RAD54L: variants seen among roughly 807,000 people sequenced by gnomAD.
RAD54L encodes DNA repair and recombination protein RAD54-like.
In RAD54L, 74 loss-of-function variants were observed where a neutral mutation model predicts 91.6. That is an observed-to-expected ratio of 0.81 (90% CI 0.67 to 0.98). The LOEUF is 0.98. Among genes scored for constraint, RAD54L ranks in the 50% least tolerant of loss-of-function variants. The probability of loss-of-function intolerance (pLI) is 0.00; values close to 1 mark genes in which losing one functional copy is unlikely to be tolerated. For synonymous variants in RAD54L, 304 were observed against 349.7 expected (o/e 0.87, Z 1.46); for missense variants, 887 against 945.7 (o/e 0.94, Z 0.81).
intron 3 of RAD54L, among the ~76,000 whole-genome samples, chr1:46,256,006 T>C (rs1659929880): frequency 6.6e-6 from 1 of 152,198 alleles, no homozygotes; most frequent in Admixed American, 6.6e-5. Context: ...TGAAAATATT[T>C]CTGTTTTAGA....
chr1:46,252,945 G>A (rs1204548728), intron 3 of RAD54L, among the ~76,000 whole-genome samples: 1 of 152,032 alleles, frequency 6.6e-6, no homozygotes, highest in Non-Finnish European at 1.5e-5. Context: ...GGTTGCACGT[G>A]ACTGTAGTCC....
chr1:46,261,485 T>C, intron 8 of RAD54L, 100 bp downstream of exon 8: 2 of 1,448,080 alleles, frequency 1.4e-6, no homozygotes, highest in South Asian at 2.4e-5. Context: ...TGGGGAATGC[T>C]GAAGACAGGA....
chr1:46,250,480 G>A (rs1305548674), intron 3 of RAD54L, among the ~76,000 whole-genome samples: 2 of 152,164 alleles, frequency 1.3e-5, no homozygotes, highest in African/African-American at 4.8e-5. Flanking sequence ...ACCATGGCAG[G>A]TTCTGTGCAT....
At chr1:46,272,570 G>A (rs1349353985) in intron 11 of RAD54L, 30 bp downstream of exon 11, 6 of 1,608,538 alleles carry the variant, frequency 3.7e-6, no homozygotes, top group Non-Finnish European at 5.1e-6. Flanking sequence ...GATGTGGAGT[G>A]GGTCAAAGCC....
In RAD54L at chr1:46,263,993, C is replaced by T. The variant is rs1373286838; in HGVS notation, c.891+2608C>T. On this transcript the variant is annotated intron_variant, in intron 8 of 17. Coordinates refer to ENST00000371975, the MANE Select transcript of RAD54L (RefSeq NM_003579.4). This position sits in a 1 kb window ranked among gnomAD's most constrained non-coding sequence, Gnocchi z 4.3. ...TGTATTTTTAGTAGAGATGGGGTTT[C>T]ACCATGTTGGCCAGGCTAGTCTCGA... 6.6e-6 allele frequency among the ~76,000 whole-genome samples: 1 copy of T among 152,144 alleles called. No homozygotes were observed. The highest frequency in any genetic ancestry group is 2.4e-5 in the African/African-American group (1 of 41,434).
intron 16 of RAD54L, among the ~76,000 whole-genome samples, chr1:46,277,219 T>C (rs1660634419): frequency 6.6e-6 from 1 of 152,236 alleles, no homozygotes; most frequent in Admixed American, 6.5e-5. Flanking sequence ...CCTTTGTTCC[T>C]ATGCTGGGAA....
intron 8 of RAD54L, among the ~76,000 whole-genome samples, chr1:46,264,614 C>T (rs959620557): frequency 6.6e-6 from 1 of 152,218 alleles, no homozygotes; most frequent in African/African-American, 2.4e-5. Context: ...TATGGGAGCA[C>T]TTTGTACAAG....
At chr1:46,277,133 C>T (rs529583546) in intron 16 of RAD54L, among the ~76,000 whole-genome samples, 1 of 152,298 alleles carries the variant, frequency 6.6e-6, no homozygotes, top group Admixed American at 6.5e-5. Context: ...ACTTCCCAGT[C>T]TCAGCTCTTA....
intron 11 of RAD54L, 47 bp from the exon 12 acceptor site, chr1:46,272,625 C>G (rs1557707252): frequency 2.5e-6 from 4 of 1,614,020 alleles, no homozygotes; most frequent in Non-Finnish European, 2.5e-6. Context: ...TCTCAGAGGG[C>G]AGGAGGGTGG....
At position 46,260,603 on chromosome 1, in the gene RAD54L, CAG is replaced by C. The variant is rs772504382; in HGVS notation, c.476_477del (p.Glu159GlyfsTer24). On this transcript the variant is annotated frameshift_variant, in exon 6 of 18. Transcript: ENST00000371975. LOFTEE classifies it high-confidence loss of function. ...TCTCAGTAAGGTTTTGCGGCCTCAT[CAG>C]AGAGAGGTAAATGAGGGTGAGGGGA... Reference protein sequence around the residue: ...PILSKVLRPHQREGVKFLWEC... With the variant: ...PILSKVLRPHXREGVKFLWEC... The C allele has an allele frequency of 1.2e-6, 2 of 1,614,016 alleles. No individual in the cohort carries two copies. Among genetic ancestry groups the C allele is most frequent in the East Asian group, 2.2e-5 (1 of 44,884 alleles).
rs1251069921 is a variant in RAD54L at position 46,265,229 on chromosome 1, TC to T, written c.892-2227del. 8.5e-5 allele frequency among the ~76,000 whole-genome samples: 13 copies of T among 152,070 alleles called. No homozygotes were observed. The highest frequency in any genetic ancestry group is 2.7e-4 in the African/African-American group (11 of 41,434). On this transcript the variant is annotated intron_variant, in intron 8 of 17. Coordinates refer to ENST00000371975, the MANE Select transcript of RAD54L (RefSeq NM_003579.4). The surrounding 1 kb of genome is among the most constrained non-coding windows in gnomAD (Gnocchi z 4.8). ...CAAATGCGGTGGCTTACACCTGTAA[TC>T]CCAGGACTTTGAAAGGCTGAGATGG...
chr1:46,271,032 A>T (rs1373657451), intron 10 of RAD54L, among the ~76,000 whole-genome samples: 3 of 152,126 alleles, frequency 2.0e-5, no homozygotes, highest in African/African-American at 7.2e-5. Flanking sequence ...CTTTTCTCTG[A>T]TGCTGCTGGA....
In RAD54L at chr1:46,267,593, T is replaced by G. The variant is rs1660303177; in HGVS notation, c.1026T>G (p.Val342=). The G allele has an allele frequency of 1.2e-6, 2 of 1,612,550 alleles. No individual in the cohort carries two copies. Among genetic ancestry groups the G allele is most frequent in the East Asian group, 4.5e-5 (2 of 44,848 alleles). The change falls in exon 9 of 18, where the codon GTT becomes GTG. Residue 342 remains valine (V), a synonymous_variant. Coordinates refer to ENST00000371975, the MANE Select transcript of RAD54L (RefSeq NM_003579.4). ...LLEYFSLVHF[V]NSGILGTAHE... Reference sequence around the variant, plus strand: ...AGTATTTCAGCTTGGTACATTTTGTTAATTCCGGCATCCTAGGTAAGAATC... The same window carrying G: ...AGTATTTCAGCTTGGTACATTTTGTGAATTCCGGCATCCTAGGTAAGAATC...
intron 9 of RAD54L, among the ~76,000 whole-genome samples, chr1:46,268,559 C>T (rs547771498): frequency 3.9e-5 from 6 of 152,240 alleles, no homozygotes; most frequent in African/African-American, 1.4e-4. Flanking sequence ...TCCTTTTGTC[C>T]CGGCAGCAAA....
chr1:46,273,447 C>T lies in RAD54L; in HGVS notation c.1468C>T (p.Leu490=), dbSNP rs780997683. 1 of 1,613,746 alleles carries T rather than the reference C, an allele frequency of 6.2e-7. No homozygotes were observed. The highest frequency in any genetic ancestry group is 8.5e-7 in the Non-Finnish European group (1 of 1,179,704). ...CCCTCCTGGTTACAGCTCTAAGGCCCTGGAGCCCCAGCTGTCAGGTGACCC... is the reference window on the plus strand; with the variant it reads ...CCCTCCTGGTTACAGCTCTAAGGCCTTGGAGCCCCAGCTGTCAGGTGACCC... ...LFPPGYSSKA[L]EPQLSGKMLV... The change falls in exon 13 of 18, where the codon CTG becomes TTG. Residue 490 remains leucine, a synonymous_variant. Transcript: ENST00000371975.
At chr1:46,266,726 G>T (rs772824685) in intron 8 of RAD54L, among the ~76,000 whole-genome samples, 2 of 152,192 alleles carry the variant, frequency 1.3e-5, no homozygotes, top group Non-Finnish European at 2.9e-5. Context: ...TACAGAAGGC[G>T]TCTGGCTCAG....
intron 16 of RAD54L, chr1:46,277,503 T>A: frequency 4.5e-6 from 2 of 445,240 alleles, no homozygotes; most frequent in Non-Finnish European, 8.3e-6. Flanking sequence ...TGAGTTAGAG[T>A]TGGGCTTGGT....
At position 46,272,641 on chromosome 1, in the gene RAD54L, C is replaced by G. The variant is rs147937744; in HGVS notation, c.1245-31C>G. 5.3e-5 allele frequency: 86 copies of G among 1,614,128 alleles called. 1 individual carries two copies. The Middle Eastern group carries it at 1.5e-3, about 28-fold the overall frequency. ...CTCAGAGGGCAGGAGGGTGGTCTAG[C>G]TTTTTCCACTGACCCAGCTGCCTTT... On this transcript the variant is annotated intron_variant, in intron 11 of 17. Transcript: ENST00000371975.
At chr1:46,273,867 T>G in intron 14 of RAD54L, 120 bp downstream of exon 14, 2 of 1,391,576 alleles carry the variant, frequency 1.4e-6, no homozygotes, top group Non-Finnish European at 2.0e-6. Flanking sequence ...CCTGGAGATA[T>G]CTTCCCTTAT....
Sources: allele counts gnomAD v4.1 joint callset (sites outside exome capture counted in the v4.1 genomes callset), GRCh38; gene constraint gnomAD v4.1.1; non-coding constraint Gnocchi (gnomAD v3.1); transcripts MANE v1.5; gene names NCBI Gene and HGNC (gene_info 2026-07-23, HGNC 2026-07-21).